DPP10: variants seen among roughly 807,000 people sequenced by gnomAD.
DPP10 encodes the protein dipeptidyl peptidase like 10, also known as inactive dipeptidyl peptidase 10.
DPP10 carries 33 observed loss-of-function variants against 120.9 expected under a neutral mutation model. The ratio of observed to expected loss-of-function variants is 0.27; its 90% CI spans 0.21 to 0.37. The LOEUF is 0.37. DPP10 is among the 10% of genes least tolerant of loss of function. The pLI is 1.00. For missense variants in DPP10, 816 were observed against 942.8 expected (o/e 0.87, Z 1.76); for synonymous variants, 337 against 326.1 (o/e 1.03, Z -0.36).
At chr2:115,395,338 TG>T (rs1406283289) in intron 3 of DPP10, among the ~76,000 whole-genome samples, 1 of 152,204 alleles carries the variant, frequency 6.6e-6, no homozygotes, top group Non-Finnish European at 1.5e-5. Flanking sequence ...TCCACCCTAA[TG>T]ACCTAATTTT....
intron 1 of DPP10, among the ~76,000 whole-genome samples, chr2:114,737,885 T>G (rs1238477124): frequency 6.6e-6 from 1 of 152,222 alleles, no homozygotes; most frequent in Non-Finnish European, 1.5e-5. Context: ...CCTGTATTAT[T>G]CAATTCTTAC....
At chr2:115,699,965 T>G (rs1372073683) in intron 7 of DPP10, among the ~76,000 whole-genome samples, 1 of 152,186 alleles carries the variant, frequency 6.6e-6, no homozygotes, top group African/African-American at 2.4e-5. Flanking sequence ...AAAAGAGGTT[T>G]AATTGGCTCA....
intron 1 of DPP10, among the ~76,000 whole-genome samples, chr2:114,975,358 C>T (rs1335622221): frequency 6.6e-6 from 1 of 152,064 alleles, no homozygotes; most frequent in Non-Finnish European, 1.5e-5. Flanking sequence ...GATTTGCAAT[C>T]ACATTATTTT....
In DPP10 at chr2:114,855,104, G is replaced by A. The variant is rs530671036; in HGVS notation, c.60+412266G>A. On this transcript the variant is annotated intron_variant, in intron 1 of 25. Transcript: ENST00000410059. Reference sequence around the variant, plus strand: ...CTTTGATTTGGATTTGGGTTCAAAAGAGGGAATGGTGGGGAGAAAAAGGGA... The same window carrying A: ...CTTTGATTTGGATTTGGGTTCAAAAAAGGGAATGGTGGGGAGAAAAAGGGA... 3.9e-5 allele frequency among the ~76,000 whole-genome samples: 6 copies of A among 152,282 alleles called. No homozygotes were observed. In the South Asian group the frequency reaches 1.0e-3, roughly 26 times the overall value.
intron 1 of DPP10, among the ~76,000 whole-genome samples, chr2:114,962,548 A>G (rs752368399): frequency 3.3e-5 from 5 of 152,194 alleles, no homozygotes; most frequent in Non-Finnish European, 7.3e-5. Context: ...CAAAATGAAT[A>G]CTCAATAAAT....
chr2:115,608,451 A>G (rs895498647), intron 5 of DPP10, among the ~76,000 whole-genome samples: 1 of 152,166 alleles, frequency 6.6e-6, no homozygotes, highest in Non-Finnish European at 1.5e-5. Context: ...CTGCCTGCCA[A>G]ACGTACTCTG....
At chr2:115,835,759 GTATTT>G (rs1689422629) in intron 21 of DPP10, among the ~76,000 whole-genome samples, 1 of 152,004 alleles carries the variant, frequency 6.6e-6, no homozygotes, top group Admixed American at 6.6e-5. Flanking sequence ...CATTATTTCA[GTATTT>G]TATTAAATTA....
intron 1 of DPP10, among the ~76,000 whole-genome samples, chr2:114,464,735 C>T (rs964193540): frequency 6.6e-6 from 1 of 152,144 alleles, no homozygotes; most frequent in African/African-American, 2.4e-5. Context: ...AGCTGTGGCT[C>T]ATGCCTGTAG....
intron 1 of DPP10, among the ~76,000 whole-genome samples, chr2:115,292,515 T>C (rs1006994041): frequency 6.6e-6 from 1 of 152,152 alleles, no homozygotes; most frequent in African/African-American, 2.4e-5. Context: ...TTTTAACTTA[T>C]GCATTAGATA....
At chr2:115,573,482 C>G (rs1397899329) in intron 5 of DPP10, among the ~76,000 whole-genome samples, 6 of 151,576 alleles carry the variant, frequency 4.0e-5, no homozygotes, top group Admixed American at 6.6e-5. Context: ...CGGGGTTTCA[C>G]CGTGTTAGCC....
intron 13 of DPP10, among the ~76,000 whole-genome samples, chr2:115,776,699 C>T (rs947918065): frequency 6.6e-6 from 1 of 152,032 alleles, no homozygotes; most frequent in Admixed American, 6.6e-5. Flanking sequence ...GTCCTATAAA[C>T]ACCTTGGAAG....
At chr2:115,484,450 C>T (rs181727542) in intron 3 of DPP10, among the ~76,000 whole-genome samples, 99 of 152,136 alleles carry the variant, frequency 6.5e-4, no homozygotes, top group Admixed American at 1.1e-3. Context: ...AGGTTTGTGC[C>T]TAATTAGCAC....
intron 1 of DPP10, among the ~76,000 whole-genome samples, chr2:114,781,080 G>A (rs909365685): frequency 3.3e-5 from 5 of 152,076 alleles, no homozygotes; most frequent in Admixed American, 3.3e-4. Flanking sequence ...CACAAAGTCC[G>A]ATGTGCTTGT....
At chr2:114,802,915 A>G (rs976867952) in intron 1 of DPP10, among the ~76,000 whole-genome samples, 5 of 152,226 alleles carry the variant, frequency 3.3e-5, no homozygotes, top group Admixed American at 6.5e-5. Context: ...TGTTCAAACT[A>G]TGATAGCTCT....
intron 1 of DPP10, among the ~76,000 whole-genome samples, chr2:114,599,182 G>T (rs1373152867): frequency 6.6e-6 from 1 of 151,738 alleles, no homozygotes; most frequent in Non-Finnish European, 1.5e-5. Flanking sequence ...GAAAAACGAG[G>T]AAGTCAAAAA....
chr2:115,585,909 A>C (rs2082260293), intron 5 of DPP10, among the ~76,000 whole-genome samples: 1 of 152,212 alleles, frequency 6.6e-6, no homozygotes, highest in East Asian at 1.9e-4. Flanking sequence ...GCAATGTATA[A>C]AGATACCTTT....
chr2:114,606,276 T>C (rs1424557009), intron 1 of DPP10, among the ~76,000 whole-genome samples: 1 of 152,144 alleles, frequency 6.6e-6, no homozygotes, highest in Non-Finnish European at 1.5e-5. Flanking sequence ...CTGCATTTTA[T>C]GGGCTTGATC....
intron 1 of DPP10, among the ~76,000 whole-genome samples, chr2:115,156,902 G>GA (rs199624150): frequency 2.0e-4 from 31 of 151,754 alleles, no homozygotes; most frequent in Non-Finnish European, 3.5e-4. Context: ...TGAAAATCAG[G>GA]AAAAAAAATA....
chr2:114,718,757 G>T (rs909680091), intron 1 of DPP10, among the ~76,000 whole-genome samples: 3 of 152,162 alleles, frequency 2.0e-5, no homozygotes, highest in South Asian at 2.1e-4. Context: ...TTTGTAAGGT[G>T]AGCTAGTCAT....
Sources: allele counts gnomAD v4.1 joint callset (sites outside exome capture counted in the v4.1 genomes callset), GRCh38; gene constraint gnomAD v4.1.1; transcripts MANE v1.5; gene names NCBI Gene and HGNC (gene_info 2026-07-23, HGNC 2026-07-21).